The following PLEKHH1 variants were observed in gnomAD, a reference collection of about 807,000 sequenced individuals.
PLEKHH1 encodes the protein pleckstrin homology, MyTH4 and FERM domain containing H1, also known as pleckstrin homology domain-containing family H member 1.
In PLEKHH1, 104 loss-of-function variants were observed where a neutral mutation model predicts 160.0. The observed-to-expected ratio is 0.65, with a 90% CI of 0.55 to 0.76. The LOEUF is 0.76. PLEKHH1 is among the 30% of genes least tolerant of loss of function. The pLI is 0.00. For synonymous variants in PLEKHH1, 619 were observed against 678.4 expected (o/e 0.91, Z 1.36); for missense variants, 1,427 against 1,724.1 (o/e 0.83, Z 3.05).
At chr14:67,567,973 C>A (rs897389540) in intron 7 of PLEKHH1, among the ~76,000 whole-genome samples, 3 of 152,218 alleles carry the variant, frequency 2.0e-5, no homozygotes, top group African/African-American at 4.8e-5. Context: ...CTCCTTTGGC[C>A]TGTGGCCTAC....
intron 28 of PLEKHH1, 197 bp from the exon 29 acceptor site, chr14:67,586,877 A>G (rs753746423): frequency 6.6e-7 from 1 of 1,521,802 alleles, no homozygotes; most frequent in Non-Finnish European, 8.8e-7. Flanking sequence ...GAGGATCTCC[A>G]GACCAACAGG....
rs751718827 is a variant in PLEKHH1 at position 67,572,260 on chromosome 14, G to A, written c.1711G>A (p.Gly571Arg). The stretch of plus-strand genomic sequence containing the variant: ...GCGCACCTCATCCTACTCCACCGAC[G>A]GGCTGGGCCTGGGCGGGGTGAGCCG... ...LQRTSSYSTD[G>R]LGLGGESLEK... Residue 571 changes from glycine (G) to arginine (R), a missense_variant, in exon 11 of 29, where the codon GGG becomes AGG. Gly to Arg is a moderately radical substitution (Grantham distance 125, BLOSUM62 -2). Around this residue, in one of 6 missense-constraint regions of PLEKHH1, gnomAD observed 831 missense variants for 929.2 expected, o/e 0.89. Coordinates refer to ENST00000329153, the MANE Select transcript of PLEKHH1 (RefSeq NM_020715.3). The A allele has an allele frequency of 4.1e-5, 66 of 1,602,876 alleles. No homozygotes were observed. The highest frequency in any genetic ancestry group is 5.1e-5 in the Non-Finnish European group (60 of 1,176,402).
At chr14:67,558,431 G>A (rs1362730401) in intron 4 of PLEKHH1, among the ~76,000 whole-genome samples, 7 of 152,136 alleles carry the variant, frequency 4.6e-5, no homozygotes, top group Admixed American at 4.6e-4. Flanking sequence ...ATGTGCTCCT[G>A]AAAATTGATG....
At chr14:67,559,749 C>T in intron 5 of PLEKHH1, 58 bp downstream of exon 5, 1 of 1,180,426 alleles carries the variant, frequency 8.5e-7, no homozygotes, top group African/African-American at 1.5e-5. Context: ...CTGCCCTGAC[C>T]CCCGGAGTTT....
At chr14:67,561,225 C>T (rs1243252487) in intron 5 of PLEKHH1, among the ~76,000 whole-genome samples, 1 of 152,128 alleles carries the variant, frequency 6.6e-6, no homozygotes, top group African/African-American at 2.4e-5. Flanking sequence ...CTAAAAGATA[C>T]TCAATAAAAG....
Position 67,584,143 on chromosome 14 carries a change from A to G in PLEKHH1, c.3699+19A>G. 2 of 1,610,620 alleles carry G rather than the reference A, an allele frequency of 1.2e-6. No individual in the cohort carries two copies. The highest frequency in any genetic ancestry group is 1.7e-6 in the Non-Finnish European group (2 of 1,179,490). On this transcript the variant is annotated intron_variant, in intron 26 of 28. Coordinates refer to ENST00000329153, the MANE Select transcript of PLEKHH1 (RefSeq NM_020715.3). ...TGCTCAGGTAAGTGCCAGTGGAAGG[A>G]GCTGCCCACACCCTTAGGTGTGTCC...
chr14:67,579,992 C>G (rs2035815621), intron 22 of PLEKHH1, 116 bp downstream of exon 22: 1 of 967,312 alleles, frequency 1.0e-6, no homozygotes, highest in South Asian at 1.6e-5. Context: ...GTGCTGAGCC[C>G]AAGGTGCTGC....
chr14:67,574,933 G>C lies in PLEKHH1; in HGVS notation c.2089-459G>C, dbSNP rs8011057. ...AAGCGACTTGCACTCAGCAAGCTCA[G>C]GGCTGGCAGGCTCGCTGTGTGGCTC... On this transcript the variant is annotated intron_variant, in intron 14 of 28. Coordinates refer to ENST00000329153, the MANE Select transcript of PLEKHH1 (RefSeq NM_020715.3). The surrounding 1 kb of genome is among the most constrained non-coding windows in gnomAD (Gnocchi z 4.2). Among the ~76,000 whole-genome samples the C allele has an allele frequency of 0.081, 12,408 of 152,256 alleles. 610 individuals are homozygous for C. The highest frequency in any genetic ancestry group is 0.12 in the Middle Eastern group (36 of 294).
rs2036305824 is a variant in PLEKHH1, at chr14:67,589,602, C to G, written c.*2367C>G. On this transcript the variant is annotated 3_prime_UTR_variant, in exon 29 of 29. Coordinates refer to ENST00000329153, the MANE Select transcript of PLEKHH1 (RefSeq NM_020715.3). ...ATAAGCCCTGTACAGAACACAGGCA[C>G]TAGGTTGACAGACTCGTCTTTTGTA... 1.7e-5 allele frequency: 17 copies of G among 986,090 alleles called. No homozygotes were observed. Among genetic ancestry groups the G allele is most frequent in the Non-Finnish European group, 2.0e-5 (17 of 830,312 alleles). The allele number at this position is 986,090 out of a possible 1,614,324, so 61.1% of individuals were successfully genotyped here.
At chr14:67,567,145 C>T (rs1316057201) in intron 7 of PLEKHH1, among the ~76,000 whole-genome samples, 1 of 112,920 alleles carries the variant, frequency 8.9e-6, no homozygotes, top group African/African-American at 3.0e-5. Context: ...CACTCGTGTT[C>T]CGTGTTCCGG....
rs774777716 is a variant in PLEKHH1, at chr14:67,573,326, G to A, written c.1779G>A (p.Lys593=). The change falls in exon 12 of 29, where the codon AAG becomes AAA. Residue 593 remains lysine (K), a synonymous_variant. Transcript: ENST00000329153. The surrounding 1 kb of genome is among the most constrained non-coding windows in gnomAD (Gnocchi z 4.8). ...TGCTGAAAATGGGGAGCCAGGTGAA[G>A]ACGTGGAAGAGGCGCTGGTTTGTCC... ...GYLLKMGSQV[K]TWKRRWFVLR... 3 of 1,613,780 alleles carry A rather than the reference G, an allele frequency of 1.9e-6. No individual in the cohort carries two copies. The African/African-American group carries it at 4.0e-5, about 22-fold the overall frequency.
chr14:67,569,859 T>TC (rs2035286257), intron 8 of PLEKHH1, 62 bp from the exon 9 acceptor site: 1 of 1,067,968 alleles, frequency 9.4e-7, no homozygotes, highest in Non-Finnish European at 1.4e-6. Flanking sequence ...GTTCTCTGCT[T>TC]CCCCCACACC....
rs2036292092 is a variant in PLEKHH1 at position 67,589,288 on chromosome 14, G to GAAAC, written c.*2054_*2057dup. On this transcript the variant is annotated 3_prime_UTR_variant, in exon 29 of 29. Coordinates refer to ENST00000329153, the MANE Select transcript of PLEKHH1 (RefSeq NM_020715.3). ...TTTAGTTTATTAATCTTATACAGAA[G>GAAAC]AAACTAACTTAGAAACAAAGGATTC... 2 of 925,742 alleles carry GAAAC rather than the reference G, an allele frequency of 2.2e-6. No homozygotes were observed. Among genetic ancestry groups the GAAAC allele is most frequent in the East Asian group, 1.2e-4 (1 of 8,588 alleles). The allele number at this position is 925,742 out of a possible 1,614,324, so 57.3% of individuals were successfully genotyped here. A position where few individuals can be genotyped will look rare whatever the true frequency, so the allele number is the denominator to read the frequency against.
chr14:67,538,561 A>G (rs1027410474), intron 1 of PLEKHH1, among the ~76,000 whole-genome samples: 27 of 152,174 alleles, frequency 1.8e-4, no homozygotes, highest in African/African-American at 6.5e-4. Flanking sequence ...GCTTACTGGT[A>G]TCTTCCTTTA....
At chr14:67,553,156 A>G (rs1018301330) in intron 2 of PLEKHH1, among the ~76,000 whole-genome samples, 4 of 152,202 alleles carry the variant, frequency 2.6e-5, no homozygotes, top group South Asian at 2.1e-4. Flanking sequence ...ATATCAGCCA[A>G]TCGTTTCAGA....
At chr14:67,571,931 G>A (rs1199691436) in intron 10 of PLEKHH1, 29 bp downstream of exon 10, 36 of 1,582,492 alleles carry the variant, frequency 2.3e-5, no homozygotes, top group Non-Finnish European at 2.8e-5. Flanking sequence ...GGGGCAGGGT[G>A]CAGCAGCAAG....
intron 22 of PLEKHH1, 67 bp from the exon 23 acceptor site, chr14:67,580,871 G>A (rs1430791820): frequency 1.9e-6 from 2 of 1,035,336 alleles, no homozygotes; most frequent in Non-Finnish European, 3.0e-6. Flanking sequence ...GTCCAGCCCT[G>A]GCTGGACCTT....
At chr14:67,537,119 T>C (rs984841894) in intron 1 of PLEKHH1, among the ~76,000 whole-genome samples, 2 of 147,792 alleles carry the variant, frequency 1.4e-5, no homozygotes, top group African/African-American at 5.1e-5. Flanking sequence ...ATGAGGCAGG[T>C]AGATCACTTG....
rs1171045192 is a variant in PLEKHH1 at position 67,562,914 on chromosome 14, C to T, written c.1263+20C>T. The T allele has an allele frequency of 1.2e-6, 2 of 1,604,794 alleles. No homozygotes were observed. The highest frequency in any genetic ancestry group is 1.7e-5 in the Admixed American group (1 of 59,562). On this transcript the variant is annotated intron_variant, in intron 7 of 28. Coordinates refer to ENST00000329153, the MANE Select transcript of PLEKHH1 (RefSeq NM_020715.3). Reference sequence around the variant, plus strand: ...TCCTGGGTAAGAGGCAACCTCCGGGCTGGGCAGAGGAGCAGAGCTAATGGC... The same window carrying T: ...TCCTGGGTAAGAGGCAACCTCCGGGTTGGGCAGAGGAGCAGAGCTAATGGC...
Sources: gnomAD v4.1 joint callset for allele counts (sites outside exome capture counted in the v4.1 genomes callset) on GRCh38, gnomAD v4.1.1 for gene constraint, gnomAD v4.1.1 regional missense constraint, Gnocchi (gnomAD v3.1) non-coding constraint, MANE v1.5 for transcripts, NCBI Gene and HGNC (gene_info 2026-07-23, HGNC 2026-07-21) for gene names.